Variants in DOP1A observed in about 807,000 individuals in gnomAD.
DOP1A encodes the protein DOP1 leucine zipper like protein A, also known as protein DOP1A.
Under a neutral mutation model 267.6 loss-of-function variants are expected in DOP1A, and 90 were observed. That is an observed-to-expected ratio of 0.34 (90% CI 0.28 to 0.40). The LOEUF (loss-of-function observed/expected upper bound fraction) is 0.40, where lower values mean the gene tolerates loss of function less well. Among genes scored for constraint, DOP1A ranks in the 10% least tolerant of loss-of-function variants. The probability of loss-of-function intolerance (pLI) is 1.00; values close to 1 mark genes in which losing one functional copy is unlikely to be tolerated. For missense variants in DOP1A, 2,437 were observed against 2,900.4 expected (o/e 0.84, Z 3.67); for synonymous variants, 932 against 999.1 (o/e 0.93, Z 1.27).
chr6:83,114,320 T>G, intron 7 of DOP1A, among the ~76,000 whole-genome samples: 1 of 152,208 alleles, frequency 6.6e-6, no homozygotes, highest in Middle Eastern at 3.2e-3. Context: ...CTTTCACCCT[T>G]CAACCAAGGG....
downstream of DOP1A, chr6:83,169,450 C>A: frequency 9.1e-7 from 1 of 1,102,972 alleles, no homozygotes; most frequent in Non-Finnish European, 1.3e-6. Context: ...CTAACAAATT[C>A]TAATGAAAAC....
At position 83,129,157 on chromosome 6, in the gene DOP1A, C is replaced by T; in HGVS notation, c.1990C>T (p.Arg664Ter). ...CGTAGTCACTCAGGGGACAGCAACC[C>T]GAAGTAGGAAGACAGCCCAAAAGAC... ...PSVVTQGTATRSRKTAQKTAM... is the reference protein window; with the variant it reads ...PSVVTQGTAT The change falls in exon 16 of 39, where the codon CGA becomes TGA. Residue 664 changes from arginine (R) to a stop codon, truncating the protein, a stop_gained. Coordinates refer to ENST00000349129, the MANE Select transcript of DOP1A (RefSeq NM_015018.4). LOFTEE classifies it high-confidence loss of function. The T allele has an allele frequency of 1.2e-6, 2 of 1,612,796 alleles. No homozygotes were observed. Among genetic ancestry groups the T allele is most frequent in the South Asian group, 1.1e-5 (1 of 90,772 alleles).
chr6:83,106,325 C>G (rs1773598111), intron 4 of DOP1A, among the ~76,000 whole-genome samples: 1 of 152,102 alleles, frequency 6.6e-6, no homozygotes. Flanking sequence ...AGATTGCAGA[C>G]TAGACAGATA....
At chr6:83,091,715 G>A (rs1399087456) in intron 1 of DOP1A, among the ~76,000 whole-genome samples, 1 of 152,064 alleles carries the variant, frequency 6.6e-6, no homozygotes, top group Non-Finnish European at 1.5e-5. Context: ...AAATTGCTTG[G>A]CAGGTTAATC....
intron 7 of DOP1A, among the ~76,000 whole-genome samples, chr6:83,114,906 A>C (rs1471288729): frequency 6.6e-6 from 1 of 152,178 alleles, no homozygotes; most frequent in Non-Finnish European, 1.5e-5. Flanking sequence ...CTATGCTACC[A>C]AATTCTAATA....
intron 24 of DOP1A, among the ~76,000 whole-genome samples, chr6:83,145,208 A>G (rs1169869151): frequency 2.5e-3 from 2 of 814 alleles, no homozygotes; most frequent in African/African-American, 0.014. Flanking sequence ...ATATATAATA[A>G]TATATATATA....
downstream of DOP1A, chr6:83,169,589 A>G (rs1786646655): frequency 2.1e-6 from 1 of 472,896 alleles, no homozygotes; most frequent in Admixed American, 3.2e-5. Flanking sequence ...ACAACTGAAA[A>G]AATTCAATAA....
At chr6:83,068,528 T>C (rs1440749152) in intron 1 of DOP1A, among the ~76,000 whole-genome samples, 1 of 152,106 alleles carries the variant, frequency 6.6e-6, no homozygotes, top group East Asian at 1.9e-4. Context: ...AATGTAAAGA[T>C]TGGGAAAATG....
Position 83,159,978 on chromosome 6 carries a change from T to C in DOP1A, c.6962+18T>C, listed in dbSNP as rs571646469. 61 of 1,611,558 alleles carry C rather than the reference T, an allele frequency of 3.8e-5. 1 individual carries two copies. In the South Asian group the frequency reaches 6.3e-4, roughly 17 times the overall value. On this transcript the variant is annotated intron_variant, in intron 37 of 38. Transcript: ENST00000349129. Reference sequence around the variant, plus strand: ...TTTCAGATGTAAGTAAAAGCAAGGATATTAAATGGTTATTTTTGAAAGTGC... The same window carrying C: ...TTTCAGATGTAAGTAAAAGCAAGGACATTAAATGGTTATTTTTGAAAGTGC...
At chr6:83,124,904 A>G (rs1053103210) in intron 13 of DOP1A, 85 bp downstream of exon 13, 2 of 1,084,262 alleles carry the variant, frequency 1.8e-6, no homozygotes, top group Admixed American at 4.8e-5. Context: ...CTTCAGATAC[A>G]TTTCATCTTT....
At chr6:83,103,263 A>T (rs901194117) in intron 4 of DOP1A, among the ~76,000 whole-genome samples, 1 of 152,222 alleles carries the variant, frequency 6.6e-6, no homozygotes, top group Non-Finnish European at 1.5e-5. Flanking sequence ...GTATGTTCTC[A>T]CTTGTAAGCG....
At chr6:83,100,680 A>G in intron 3 of DOP1A, 25 bp from the exon 4 acceptor site, 2 of 1,414,358 alleles carry the variant, frequency 1.4e-6, no homozygotes. Context: ...GTTTTTCTCA[A>G]CTACATTAAA....
intron 18 of DOP1A, among the ~76,000 whole-genome samples, chr6:83,132,929 T>G (rs1470183768): frequency 6.6e-6 from 1 of 152,176 alleles, no homozygotes; most frequent in Non-Finnish European, 1.5e-5. Flanking sequence ...GTGGTCTTCC[T>G]GTGCTGCTCT....
chr6:83,072,130 G>A (rs188425200), intron 1 of DOP1A, among the ~76,000 whole-genome samples: 9 of 152,032 alleles, frequency 5.9e-5, no homozygotes, highest in Admixed American at 1.3e-4. Context: ...AAGGAGTTTC[G>A]TATGAACATA....
At chr6:83,084,838 G>C (rs1461475281) in intron 1 of DOP1A, among the ~76,000 whole-genome samples, 1 of 151,736 alleles carries the variant, frequency 6.6e-6, no homozygotes, top group African/African-American at 2.4e-5. Context: ...TGATCTGCCT[G>C]CCTTGGCCTC....
chr6:83,137,923 C>A lies in DOP1A; in HGVS notation c.3881C>A (p.Pro1294Gln), dbSNP rs200438991. The stretch of plus-strand genomic sequence containing the variant: ...ATAGTTAAGGAGTCAGGTAAACAAC[C>A]AGGAGCAAAACCTAAAGTAAAACTT... Reference protein sequence around the residue: ...ETIVKESGKQPGAKPKVKLAR... With the variant: ...ETIVKESGKQQGAKPKVKLAR... Residue 1294 changes from proline to glutamine, a missense_variant, in exon 21 of 39, where the codon CCA becomes CAA. By Grantham distance (76) the Pro-to-Gln change is moderately conservative. Coordinates refer to ENST00000349129, the MANE Select transcript of DOP1A (RefSeq NM_015018.4). 5 of 1,608,572 alleles carry A rather than the reference C, an allele frequency of 3.1e-6. No homozygotes were observed. The highest frequency in any genetic ancestry group is 4.2e-6 in the Non-Finnish European group (5 of 1,178,444).
rs1777657951 is a variant in DOP1A, at chr6:83,129,250, C to A, written c.2083C>A (p.Gln695Lys). ...LTRLINLYIIQNNSFSQSLAT... is the reference protein window; with the variant it reads ...LTRLINLYIIKNNSFSQSLAT... ...CAGACTTATCAACCTCTACATCATT[C>A]AGAATAACTCTTTTTCTCAGTCTTT... The change falls in exon 16 of 39, where the codon CAG (glutamine) becomes AAG (lysine). Residue 695 changes from glutamine to lysine, a missense_variant. Gln to Lys is a moderately conservative substitution (Grantham distance 53). Coordinates refer to ENST00000349129, the MANE Select transcript of DOP1A (RefSeq NM_015018.4). The A allele has an allele frequency of 6.2e-7, 1 of 1,613,104 alleles. No homozygotes were observed. Among genetic ancestry groups the A allele is most frequent in the South Asian group, 1.1e-5 (1 of 90,822 alleles).
intron 17 of DOP1A, among the ~76,000 whole-genome samples, chr6:83,131,490 A>G (rs1205819385): frequency 6.6e-6 from 1 of 152,186 alleles, no homozygotes; most frequent in African/African-American, 2.4e-5. Flanking sequence ...GGATATTTCA[A>G]CTATGAATTA....
chr6:83,082,141 T>C (rs1768199102), intron 1 of DOP1A, among the ~76,000 whole-genome samples: 1 of 152,134 alleles, frequency 6.6e-6, no homozygotes, highest in Non-Finnish European at 1.5e-5. Flanking sequence ...AAAATAGAAC[T>C]ACCATATGAT....
Sources: gnomAD v4.1 joint callset for allele counts (sites outside exome capture counted in the v4.1 genomes callset) on GRCh38, gnomAD v4.1.1 for gene constraint, MANE v1.5 for transcripts, NCBI Gene and HGNC (gene_info 2026-07-23, HGNC 2026-07-21) for gene names.